The following FBXO30 variants were observed in gnomAD, a reference collection of about 807,000 sequenced individuals.
FBXO30 encodes the protein F-box only protein 30.
Under a neutral mutation model 58.1 loss-of-function variants are expected in FBXO30, and 21 were observed. The observed-to-expected ratio is 0.36, with a 90% CI of 0.26 to 0.52. The LOEUF (loss-of-function observed/expected upper bound fraction) is 0.52, where lower values mean the gene tolerates loss of function less well. Ranked by LOEUF, FBXO30 falls within the 20% of genes least tolerant of loss-of-function variation. FBXO30 has a pLI of 0.93. For synonymous variants in FBXO30, 309 were observed against 312.4 expected (o/e 0.99, Z 0.11); for missense variants, 744 against 897.3 (o/e 0.83, Z 2.18).
chr6:145,808,487 C>T (rs1008754108), intron 1 of FBXO30, among the ~76,000 whole-genome samples: 1 of 152,084 alleles, frequency 6.6e-6, no homozygotes, highest in African/African-American at 2.4e-5. Flanking sequence ...TTAACTATTA[C>T]TCAATAATAA....
In FBXO30 at chr6:145,794,679, A is replaced by G. The variant is rs1777835119; in HGVS notation, c.*5427T>C. The G allele has an allele frequency of 6.6e-6, 1 of 151,886 alleles. No homozygotes were observed. The highest frequency in any genetic ancestry group is 6.6e-5 in the Admixed American group (1 of 15,234). The allele number at this position is 151,886 out of a possible 1,614,324, so 9.4% of individuals were successfully genotyped here. A position where few individuals can be genotyped will look rare whatever the true frequency, so the allele number is the denominator to read the frequency against. On this transcript the variant is annotated 3_prime_UTR_variant, in exon 3 of 3. Transcript: ENST00000237281. ...TTACTCTTGAGCAGACACAGTGCCC[A>G]TTATTTCCATGGTTTGATTTATTTC...
intron 1 of FBXO30, among the ~76,000 whole-genome samples, chr6:145,809,167 T>C (rs1251623804): frequency 6.6e-6 from 1 of 152,188 alleles, no homozygotes; most frequent in Non-Finnish European, 1.5e-5. Flanking sequence ...TAAATAGACA[T>C]ACTAAAATAG....
In FBXO30 at chr6:145,804,593, C is replaced by G. The variant is rs748626430; in HGVS notation, c.1813G>C (p.Val605Leu). The change falls in exon 2 of 3, where the codon GTG (valine) becomes CTG (leucine). Residue 605 changes from valine to leucine, a missense_variant. Val to Leu is a conservative substitution (Grantham distance 32, BLOSUM62 1). Transcript: ENST00000237281. ...TVLVEPARNC[V>L]LGLHNDHLSS... is the part of the protein sequence containing the mutation. ...AGATGGTCATTATGTAATCCCAACA[C>G]ACAGTTTCTAGCAGGCTCCACTAAT... 1.2e-6 allele frequency: 2 copies of G among 1,613,600 alleles called. No individual in the cohort carries two copies. Among genetic ancestry groups the G allele is most frequent in the Non-Finnish European group, 8.5e-7 (1 of 1,179,812 alleles).
At position 145,796,228 on chromosome 6, in the gene FBXO30, G is replaced by A. The variant is rs970594363; in HGVS notation, c.*3878C>T. ...CTTTTAAATAAAGGGAAATAATTAT[G>A]TAAAAGATGACTTCAAAAGCAAACC... On this transcript the variant is annotated 3_prime_UTR_variant, in exon 3 of 3. Transcript: ENST00000237281. 6.6e-6 allele frequency: 1 copy of A among 151,940 alleles called. No individual in the cohort carries two copies. Among genetic ancestry groups the A allele is most frequent in the African/African-American group, 2.4e-5 (1 of 41,390 alleles). 9.4% of individuals were successfully genotyped at this position (151,940 alleles called of 1,614,324 possible).
intron 1 of FBXO30, among the ~76,000 whole-genome samples, chr6:145,810,197 G>C (rs1778295156): frequency 1.3e-5 from 2 of 152,108 alleles, no homozygotes; most frequent in African/African-American, 2.4e-5. Flanking sequence ...CCATACAAAT[G>C]AGGAGTGAAT....
intron 1 of FBXO30, among the ~76,000 whole-genome samples, chr6:145,810,769 A>G (rs1778311459): frequency 6.6e-6 from 1 of 152,232 alleles, no homozygotes; most frequent in Non-Finnish European, 1.5e-5. Context: ...AAGTAAATAT[A>G]AAGAAGTGCA....
chr6:145,810,990 T>C (rs1053182265), intron 1 of FBXO30, among the ~76,000 whole-genome samples: 1 of 152,140 alleles, frequency 6.6e-6, no homozygotes, highest in Non-Finnish European at 1.5e-5. Context: ...ATGGATCCCA[T>C]ATTGTGTGTA....
In FBXO30 at chr6:145,805,257, G is replaced by T. The variant is rs778843908; in HGVS notation, c.1149C>A (p.Phe383Leu). The change falls in exon 2 of 3, where the codon TTC becomes TTA. Residue 383 changes from phenylalanine (F) to leucine (L), a missense_variant. This residue lies in a region of FBXO30 where 275 missense variants were observed against 262.0 expected (regional missense o/e 1.05). Coordinates refer to ENST00000237281, the MANE Select transcript of FBXO30 (RefSeq NM_032145.5). ...GAAAATTGAATGAAGGAGCATGACT[G>T]AAAGATAAGACATCCACATTCTTCA... is the stretch of plus-strand genomic sequence containing the variant. ...GDVKNVDVLS[F>L]SHAPSFNFLS... 79 of 1,613,896 alleles carry T rather than the reference G, an allele frequency of 4.9e-5. No individual in the cohort carries two copies. Among genetic ancestry groups the T allele is most frequent in the Non-Finnish European group, 6.2e-5 (73 of 1,179,960 alleles).
intron 2 of FBXO30, among the ~76,000 whole-genome samples, chr6:145,801,403 G>A (rs1485314483): frequency 6.6e-6 from 1 of 151,938 alleles, no homozygotes; most frequent in Admixed American, 6.6e-5. Context: ...GTGTGTGTGT[G>A]TGTATGTGTG....
Position 145,806,235 on chromosome 6 carries a change from T to C in FBXO30, c.171A>G (p.Arg57=). ...DEHRLLCPFE[R]VPCLNSDFGC... is the part of the protein sequence containing the mutation. Reference sequence around the variant, plus strand: ...CAAAGTCACTATTTAAGCAAGGCACTCGTTCAAATGGACATAAAAGTCGAT... The same window carrying C: ...CAAAGTCACTATTTAAGCAAGGCACCCGTTCAAATGGACATAAAAGTCGAT... Residue 57 remains arginine (R), a synonymous_variant, in exon 2 of 3, where the codon CGA becomes CGG. Transcript: ENST00000237281. 6.2e-7 allele frequency: 1 copy of C among 1,614,080 alleles called. No homozygotes were observed. Among genetic ancestry groups the C allele is most frequent in the East Asian group, 2.2e-5 (1 of 44,878 alleles).
intron 1 of FBXO30, among the ~76,000 whole-genome samples, chr6:145,810,801 TAA>T (rs959878869): frequency 2.4e-4 from 37 of 152,186 alleles, no homozygotes; most frequent in Non-Finnish European, 4.0e-4. Flanking sequence ...TTTTAAAATA[TAA>T]GAGTCATCTA....
At chr6:145,808,383 G>C (rs1207639631) in intron 1 of FBXO30, among the ~76,000 whole-genome samples, 1 of 152,004 alleles carries the variant, frequency 6.6e-6, no homozygotes, top group Non-Finnish European at 1.5e-5. Context: ...CTTGGCCATT[G>C]TATCCTGATG....
intron 1 of FBXO30, among the ~76,000 whole-genome samples, chr6:145,808,982 T>A (rs144581501): frequency 6.8e-4 from 103 of 152,356 alleles, no homozygotes; most frequent in African/African-American, 2.4e-3. Context: ...CTTTTCTTGA[T>A]TCAGTAGAAA....
rs1317433093 is a variant in FBXO30, at chr6:145,793,851, A to G, written c.*6255T>C. ...TTTACTAGAACTTTAAGCTGAATAG[A>G]TTTGTCATGTTACTAATGCTATAAA... On this transcript the variant is annotated 3_prime_UTR_variant, in exon 3 of 3. Coordinates refer to ENST00000237281, the MANE Select transcript of FBXO30 (RefSeq NM_032145.5). 1 of 152,096 alleles carries G rather than the reference A, an allele frequency of 6.6e-6. No individual in the cohort carries two copies. The highest frequency in any genetic ancestry group is 1.5e-5 in the Non-Finnish European group (1 of 67,926). The allele number at this position is 152,096 out of a possible 1,614,324, so 9.4% of individuals were successfully genotyped here.
rs1224234071 is a variant in FBXO30 at position 145,795,932 on chromosome 6, A to G, written c.*4174T>C. ...GCAAAGATTTTCAGAGCAACATATC[A>G]CACTTGGTTAGTTAGTTTCCTTTTG... On this transcript the variant is annotated 3_prime_UTR_variant, in exon 3 of 3. Transcript: ENST00000237281. The G allele has an allele frequency of 3.3e-5, 5 of 151,952 alleles. No homozygotes were observed. Among genetic ancestry groups the G allele is most frequent in the Non-Finnish European group, 7.4e-5 (5 of 67,846 alleles). The allele number at this position is 151,952 out of a possible 1,614,324, so 9.4% of individuals were successfully genotyped here.
intron 1 of FBXO30, among the ~76,000 whole-genome samples, chr6:145,813,891 T>C (rs767060237): frequency 2.0e-5 from 3 of 152,176 alleles, no homozygotes; most frequent in African/African-American, 4.8e-5. Context: ...AAACACATAC[T>C]GTTTTGCCTC....
intron 1 of FBXO30, among the ~76,000 whole-genome samples, chr6:145,807,661 T>C (rs2128667062): frequency 6.6e-6 from 1 of 152,310 alleles, no homozygotes; most frequent in East Asian, 1.9e-4. Flanking sequence ...TGCTTTAAAA[T>C]TTCCATCATA....
intron 1 of FBXO30, among the ~76,000 whole-genome samples, chr6:145,813,975 T>C (rs1778420291): frequency 6.6e-6 from 1 of 152,084 alleles, no homozygotes; most frequent in African/African-American, 2.4e-5. Flanking sequence ...ACGCGCTCTA[T>C]AAACCCCTTC....
rs933129290 is a variant in FBXO30, at chr6:145,806,410, G to A, written c.-5C>T. 6.2e-7 allele frequency: 1 copy of A among 1,611,832 alleles called. No individual in the cohort carries two copies. Among genetic ancestry groups the A allele is most frequent in the Middle Eastern group, 1.7e-4 (1 of 6,052 alleles). On this transcript the variant is annotated 5_prime_UTR_variant, in exon 2 of 3. Transcript: ENST00000237281. ...ATGCTGCAGCTCCTCCTCCATAATG[G>A]CCAGTCCAGCTCTGGTTGATGAAAT...
Sources: allele counts gnomAD v4.1 joint callset (sites outside exome capture counted in the v4.1 genomes callset), GRCh38; gene constraint gnomAD v4.1.1; regional missense constraint gnomAD v4.1.1; transcripts MANE v1.5; gene names NCBI Gene and HGNC (gene_info 2026-07-23, HGNC 2026-07-21).